Variants in BMPR1B observed in about 807,000 individuals in gnomAD.
BMPR1B encodes bone morphogenetic protein receptor type-1B.
BMPR1B carries 12 observed loss-of-function variants against 59.1 expected under a neutral mutation model. The observed-to-expected ratio is 0.20, with a 90% CI of 0.13 to 0.33. BMPR1B has a LOEUF of 0.33. Ranked by LOEUF, BMPR1B falls within the 10% of genes least tolerant of loss-of-function variation. The pLI, the probability that BMPR1B is intolerant of heterozygous loss-of-function variation, is 1.00. For synonymous variants in BMPR1B, 237 were observed against 207.3 expected (o/e 1.14, Z -1.23); for missense variants, 550 against 610.9 (o/e 0.90, Z 1.05).
intron 2 of BMPR1B, among the ~76,000 whole-genome samples, chr4:94,877,952 A>AT (rs1462964851): frequency 6.6e-6 from 1 of 152,172 alleles, no homozygotes; most frequent in Non-Finnish European, 1.5e-5. Flanking sequence ...GTGCATGCAC[A>AT]TGTGTGCGTG....
intron 2 of BMPR1B, among the ~76,000 whole-genome samples, chr4:94,894,842 CACATCTTA>C (rs1326600572): frequency 6.6e-6 from 1 of 150,480 alleles, no homozygotes; most frequent in Non-Finnish European, 1.5e-5. Context: ...TTTTTTCTTT[CACATCTTA>C]ACATACTTCT....
At chr4:95,109,024 AT>A (rs1304886939) in intron 4 of BMPR1B, among the ~76,000 whole-genome samples, 1 of 152,050 alleles carries the variant, frequency 6.6e-6, no homozygotes, top group Non-Finnish European at 1.5e-5. Context: ...TTTTCTCTAT[AT>A]AATCAGATCT....
At chr4:94,885,637 A>G (rs1403820510) in intron 2 of BMPR1B, among the ~76,000 whole-genome samples, 2 of 152,198 alleles carry the variant, frequency 1.3e-5, no homozygotes, top group Non-Finnish European at 2.9e-5. Flanking sequence ...AAGTTTATAT[A>G]GAAAAAGGAC....
At chr4:94,903,878 C>G (rs1002365724) in intron 2 of BMPR1B, among the ~76,000 whole-genome samples, 1 of 151,962 alleles carries the variant, frequency 6.6e-6, no homozygotes, top group Non-Finnish European at 1.5e-5. Flanking sequence ...ACACCTTGAT[C>G]CCAGACTTCC....
At chr4:95,148,600 G>T (rs901552575) in intron 10 of BMPR1B, 148 bp from the exon 11 acceptor site, 2 of 843,174 alleles carry the variant, frequency 2.4e-6, no homozygotes, top group African/African-American at 1.7e-5. Flanking sequence ...CTTTTGGCAA[G>T]AAATATTCTT....
chr4:94,859,400 C>A (rs375502453), intron 1 of BMPR1B, among the ~76,000 whole-genome samples: 56 of 152,194 alleles, frequency 3.7e-4, no homozygotes, highest in African/African-American at 1.2e-3. Context: ...GCACGCAATA[C>A]CCTTCCCACG....
At chr4:94,837,827 G>A (rs970640039) in intron 1 of BMPR1B, among the ~76,000 whole-genome samples, 3 of 143,870 alleles carry the variant, frequency 2.1e-5, no homozygotes, top group African/African-American at 7.9e-5. Context: ...GGGCATCCCT[G>A]TCTTGTGCCA....
At chr4:94,827,210 G>C (rs1261243442) in intron 1 of BMPR1B, among the ~76,000 whole-genome samples, 2 of 152,052 alleles carry the variant, frequency 1.3e-5, no homozygotes, top group African/African-American at 4.8e-5. Context: ...CAAGTTTAGA[G>C]TTTTAAGCAG....
chr4:94,915,064 C>T (rs939945250), intron 2 of BMPR1B, among the ~76,000 whole-genome samples: 1 of 152,014 alleles, frequency 6.6e-6, no homozygotes, highest in African/African-American at 2.4e-5. Flanking sequence ...GATGATTTAT[C>T]CCATTATTTA....
At chr4:94,865,094 C>T (rs1342508734) in intron 1 of BMPR1B, among the ~76,000 whole-genome samples, 2 of 151,842 alleles carry the variant, frequency 1.3e-5, no homozygotes, top group Non-Finnish European at 2.9e-5. Flanking sequence ...ACTGCAACCT[C>T]CACCTCCTGG....
chr4:94,920,579 C>T (rs1728652335), intron 2 of BMPR1B, among the ~76,000 whole-genome samples: 1 of 152,024 alleles, frequency 6.6e-6, no homozygotes, highest in African/African-American at 2.4e-5. Flanking sequence ...TGGGGAAGCC[C>T]CATGTTAAAG....
chr4:95,103,542 C>G (rs1579083164), intron 3 of BMPR1B: 2 of 941,576 alleles, frequency 2.1e-6, no homozygotes, highest in Non-Finnish European at 2.5e-6. Flanking sequence ...ATGCCCTCTT[C>G]TGTGTAACAT....
intron 2 of BMPR1B, among the ~76,000 whole-genome samples, chr4:94,935,275 G>A (rs1402572436): frequency 6.6e-6 from 1 of 152,000 alleles, no homozygotes; most frequent in Non-Finnish European, 1.5e-5. Flanking sequence ...GAATATATAT[G>A]TCTCTGGATC....
At position 94,944,412 on chromosome 4, in the gene BMPR1B, C is replaced by T. The variant is rs2149047282; in HGVS notation, c.-112-51628C>T. On this transcript the variant is annotated intron_variant, in intron 2 of 12. Transcript: ENST00000515059. Reference sequence around the variant, plus strand: ...GATGAAACTACTTAACATTACATGCCATAGTTAGTGGTAGCAGATTTTAAA... The same window carrying T: ...GATGAAACTACTTAACATTACATGCTATAGTTAGTGGTAGCAGATTTTAAA... Among the ~76,000 whole-genome samples, 4 of 152,206 alleles carry T rather than the reference C, an allele frequency of 2.6e-5. No homozygotes were observed. The South Asian group carries it at 8.3e-4, about 32-fold the overall frequency.
chr4:94,769,409 G>A (rs1371464784), intron 1 of BMPR1B, among the ~76,000 whole-genome samples: 1 of 152,074 alleles, frequency 6.6e-6, no homozygotes, highest in Non-Finnish European at 1.5e-5. Flanking sequence ...TCAGGAGTTC[G>A]AGACCAGCCT....
At chr4:94,966,742 A>AT (rs571638442) in intron 2 of BMPR1B, among the ~76,000 whole-genome samples, 10 of 151,760 alleles carry the variant, frequency 6.6e-5, no homozygotes, top group Non-Finnish European at 1.3e-4. Context: ...CATGCCTGAA[A>AT]TTTTTTTTTC....
intron 3 of BMPR1B, among the ~76,000 whole-genome samples, chr4:95,061,212 A>G: frequency 7.6e-6 from 1 of 131,782 alleles, no homozygotes; most frequent in Admixed American, 7.9e-5. Context: ...CACACACACC[A>G]CACACCCCTC....
At position 95,115,688 on chromosome 4, in the gene BMPR1B, A is replaced by G. The variant is rs192392906; in HGVS notation, c.250A>G (p.Thr84Ala). Residue 84 changes from threonine to alanine, a missense_variant, in exon 6 of 13, where the codon ACT (threonine) becomes GCT (alanine). Thr to Ala is a moderately conservative substitution (Grantham distance 58, BLOSUM62 0). Coordinates refer to ENST00000515059, the MANE Select transcript of BMPR1B (RefSeq NM_001203.3). ...LEGSDFQCRD[T>A]PIPHQRRSIE... Reference sequence around the variant, plus strand: ...AGCTGTTTGGGTTCGATTATAGGACACTCCCATTCCTCATCAAAGAAGATC... The same window carrying G: ...AGCTGTTTGGGTTCGATTATAGGACGCTCCCATTCCTCATCAAAGAAGATC... The G allele has an allele frequency of 1.4e-5, 22 of 1,612,918 alleles. No individual in the cohort carries two copies. Among genetic ancestry groups the G allele is most frequent in the Non-Finnish European group, 1.7e-5 (20 of 1,179,146 alleles).
At chr4:95,040,964 G>C (rs1725613636) in intron 3 of BMPR1B, among the ~76,000 whole-genome samples, 1 of 152,132 alleles carries the variant, frequency 6.6e-6, no homozygotes, top group Non-Finnish European at 1.5e-5. Context: ...ACAGGCCTAT[G>C]CAAGGAAGAA....
Sources: gnomAD v4.1 joint callset for allele counts (sites outside exome capture counted in the v4.1 genomes callset) on GRCh38, gnomAD v4.1.1 for gene constraint, MANE v1.5 for transcripts, NCBI Gene and HGNC (gene_info 2026-07-23, HGNC 2026-07-21) for gene names.